Variants in ELF1 observed in about 807,000 individuals in gnomAD.
ELF1 encodes the protein E74 like ETS transcription factor 1.
In ELF1, 24 loss-of-function variants were observed where a neutral mutation model predicts 59.9. The ratio of observed to expected loss-of-function variants is 0.40; its 90% CI spans 0.29 to 0.56. ELF1 has a LOEUF of 0.56. Ranked by LOEUF, ELF1 falls within the 20% of genes least tolerant of loss-of-function variation. The pLI, the probability that ELF1 is intolerant of heterozygous loss-of-function variation, is 0.44. For missense variants in ELF1, 627 were observed against 742.2 expected (o/e 0.84, Z 1.80); for synonymous variants, 248 against 266.2 (o/e 0.93, Z 0.67).
intron 8 of ELF1, among the ~76,000 whole-genome samples, chr13:40,936,773 A>G (rs55948507): frequency 0.012 from 1,722 of 149,084 alleles, 37 homozygotes; most frequent in African/African-American, 0.041. Flanking sequence ...AAAAAAAAAA[A>G]AAAAGAAAAA....
At chr13:41,012,049 G>A (rs1770251916) in intron 1 of ELF1, among the ~76,000 whole-genome samples, 1 of 152,100 alleles carries the variant, frequency 6.6e-6, no homozygotes, top group Non-Finnish European at 1.5e-5. Context: ...GCTCCCACCT[G>A]TAATCCCAGG....
chr13:40,938,472 G>A (rs956960292), intron 8 of ELF1, among the ~76,000 whole-genome samples: 4 of 152,132 alleles, frequency 2.6e-5, no homozygotes, highest in Non-Finnish European at 2.9e-5. Flanking sequence ...TATGTAAATC[G>A]GTAGGCAGTG....
At chr13:40,964,293 C>T (rs897811740) in intron 2 of ELF1, among the ~76,000 whole-genome samples, 3 of 152,164 alleles carry the variant, frequency 2.0e-5, no homozygotes, top group East Asian at 1.9e-4. Context: ...TAGTTTGCTA[C>T]GGCTGCTGCA....
At chr13:40,962,274 T>C (rs963760330) in intron 2 of ELF1, among the ~76,000 whole-genome samples, 4 of 152,206 alleles carry the variant, frequency 2.6e-5, no homozygotes, top group Admixed American at 2.6e-4. Flanking sequence ...TTAATAATTT[T>C]TAAACTATTT....
At chr13:41,050,548 A>C (rs1877043793) in intron 1 of ELF1, among the ~76,000 whole-genome samples, 1 of 152,164 alleles carries the variant, frequency 6.6e-6, no homozygotes, top group Admixed American at 6.6e-5. Flanking sequence ...GGATTATGAT[A>C]ATTCTCTTTC....
exon 1 of ELF1, chr13:41,061,169 C>A: frequency 5.1e-6 from 1 of 197,960 alleles, no homozygotes. Context: ...AAAGTGCGTG[C>A]GGAGTAGTTG....
intron 5 of ELF1, among the ~76,000 whole-genome samples, chr13:40,944,221 A>T (rs1870365294): frequency 6.6e-6 from 1 of 152,232 alleles, no homozygotes; most frequent in Non-Finnish European, 1.5e-5. Context: ...CCTTTGAAGT[A>T]CCCATACTGG....
intron 1 of ELF1, among the ~76,000 whole-genome samples, chr13:41,057,258 T>A (rs750738001): frequency 2.0e-5 from 3 of 151,592 alleles, no homozygotes; most frequent in Non-Finnish European, 4.4e-5. Flanking sequence ...CTGGGCTCAA[T>A]GGATCCTCCC....
At chr13:40,997,247 T>C (rs1401679687) in intron 1 of ELF1, among the ~76,000 whole-genome samples, 2 of 152,134 alleles carry the variant, frequency 1.3e-5, no homozygotes, top group Non-Finnish European at 2.9e-5. Flanking sequence ...TTCTTCTTCA[T>C]TTATTATTTT....
chr13:41,016,259 G>A (rs745546603), intron 1 of ELF1, among the ~76,000 whole-genome samples: 3 of 152,114 alleles, frequency 2.0e-5, no homozygotes, highest in South Asian at 2.1e-4. Context: ...GGACGATTTC[G>A]CACCGAATTG....
At chr13:41,021,135 T>G (rs1875674938), upstream of ELF1, among the ~76,000 whole-genome samples, 1 of 152,206 alleles carries the variant, frequency 6.6e-6, no homozygotes, top group South Asian at 2.1e-4. Flanking sequence ...AGCCAAAGTG[T>G]GTAACATCAA....
chr13:40,935,380 A>C (rs1372428387), intron 8 of ELF1, among the ~76,000 whole-genome samples: 1 of 152,234 alleles, frequency 6.6e-6, no homozygotes, highest in African/African-American at 2.4e-5. Context: ...TAGATTATTA[A>C]AGCTACATTT....
chr13:41,052,648 A>G (rs1877131765), intron 1 of ELF1, among the ~76,000 whole-genome samples: 1 of 152,054 alleles, frequency 6.6e-6, no homozygotes, highest in East Asian at 1.9e-4. Context: ...CCCAGCATTT[A>G]GAGGTTGCAG....
At chr13:40,955,132 C>A (rs945655727) in intron 3 of ELF1, among the ~76,000 whole-genome samples, 7 of 150,612 alleles carry the variant, frequency 4.6e-5, no homozygotes, top group Admixed American at 3.9e-4. Flanking sequence ...CTCTGCCTGG[C>A]AACCGCCGCG....
chr13:40,997,674 G>C (rs758458771), intron 1 of ELF1, among the ~76,000 whole-genome samples: 139 of 152,198 alleles, frequency 9.1e-4, no homozygotes, highest in Non-Finnish European at 1.7e-3. Context: ...TTACAGGTGT[G>C]AGCCACCACA....
chr13:40,984,260 T>C (rs1873437158), intron 1 of ELF1, among the ~76,000 whole-genome samples: 1 of 152,204 alleles, frequency 6.6e-6, no homozygotes, highest in South Asian at 2.1e-4. Context: ...TGATGACAAA[T>C]ACTGTTTTAA....
intron 1 of ELF1, among the ~76,000 whole-genome samples, chr13:40,995,312 A>G (rs1213763859): frequency 6.6e-6 from 1 of 152,148 alleles, no homozygotes; most frequent in Non-Finnish European, 1.5e-5. Flanking sequence ...GGCTTCCATC[A>G]CCTACAGGCA....
In ELF1 at chr13:40,964,306, A is replaced by G. The variant is rs1375849135; in HGVS notation, c.73-5290T>C. 2.6e-5 allele frequency among the ~76,000 whole-genome samples: 4 copies of G among 152,212 alleles called. No individual in the cohort carries two copies. In the East Asian group the frequency reaches 7.7e-4, roughly 29 times the overall value. On this transcript the variant is annotated intron_variant, in intron 2 of 8. Coordinates refer to ENST00000239882, the MANE Select transcript of ELF1 (RefSeq NM_172373.4). ...ATTAGTTTGCTACGGCTGCTGCAAC[A>G]AAGTACTACAAACTGGGTCCCTCAG...
At chr13:40,985,879 A>G (rs1873523902) in intron 1 of ELF1, among the ~76,000 whole-genome samples, 1 of 152,194 alleles carries the variant, frequency 6.6e-6, no homozygotes, top group Admixed American at 6.5e-5. Flanking sequence ...GTTCTCAAAC[A>G]TGTTTTTTTC....
Sources: allele counts gnomAD v4.1 joint callset (sites outside exome capture counted in the v4.1 genomes callset), GRCh38; gene constraint gnomAD v4.1.1; transcripts MANE v1.5; gene names NCBI Gene and HGNC (gene_info 2026-07-23, HGNC 2026-07-21).